DACH1: variants seen among roughly 807,000 people sequenced by gnomAD.
DACH1 encodes dachshund family transcription factor 1.
DACH1 carries 12 observed loss-of-function variants against 54.2 expected under a neutral mutation model. The observed-to-expected ratio is 0.22, with a 90% confidence interval of 0.14 to 0.36. The LOEUF is 0.36. Ranked by LOEUF, DACH1 falls within the 10% of genes least tolerant of loss-of-function variation. DACH1 has a pLI of 1.00. For missense variants in DACH1, 805 were observed against 929.8 expected (o/e 0.87, Z 1.75); for synonymous variants, 386 against 366.2 (o/e 1.05, Z -0.62).
At chr13:71,447,927 G>A (rs1003647532) in intron 10 of DACH1, among the ~76,000 whole-genome samples, 1 of 152,074 alleles carries the variant, frequency 6.6e-6, no homozygotes, top group African/African-American at 2.4e-5. Flanking sequence ...CACTGTGAAA[G>A]TCATGTAAAA....
At chr13:71,585,191 A>G (rs1260873075) in intron 3 of DACH1, among the ~76,000 whole-genome samples, 3 of 150,882 alleles carry the variant, frequency 2.0e-5, no homozygotes, top group Admixed American at 1.3e-4. Flanking sequence ...TATTAAAACT[A>G]CAGGGAGGTT....
At chr13:71,567,412 A>G (rs1417968284) in intron 4 of DACH1, among the ~76,000 whole-genome samples, 1 of 152,024 alleles carries the variant, frequency 6.6e-6, no homozygotes, top group Non-Finnish European at 1.5e-5. Context: ...AGCTGCGTAT[A>G]AAATTTTTAT....
At chr13:71,807,839 T>C (rs1887571227) in intron 1 of DACH1, among the ~76,000 whole-genome samples, 1 of 152,160 alleles carries the variant, frequency 6.6e-6, no homozygotes, top group Non-Finnish European at 1.5e-5. Flanking sequence ...ATTTACCAAA[T>C]TTTCTATGTC....
intron 2 of DACH1, among the ~76,000 whole-genome samples, chr13:71,654,283 G>A (rs1208029397): frequency 4.6e-5 from 7 of 151,458 alleles, no homozygotes; most frequent in Admixed American, 1.3e-4. Context: ...CCAGCAACTC[G>A]GGAGGCTGAG....
At chr13:71,612,234 C>T (rs777763828) in intron 3 of DACH1, among the ~76,000 whole-genome samples, 2 of 152,006 alleles carry the variant, frequency 1.3e-5, no homozygotes, top group Non-Finnish European at 2.9e-5. Context: ...AATCCTTTCT[C>T]CTCACTCCAT....
intron 10 of DACH1, among the ~76,000 whole-genome samples, chr13:71,473,597 A>G (rs904040644): frequency 1.3e-5 from 2 of 152,182 alleles, no homozygotes; most frequent in Non-Finnish European, 2.9e-5. Context: ...GGTGGCATAC[A>G]TATTATATCA....
At chr13:71,730,322 T>G (rs894986493) in intron 1 of DACH1, among the ~76,000 whole-genome samples, 26 of 152,170 alleles carry the variant, frequency 1.7e-4, no homozygotes, top group Non-Finnish European at 7.4e-5. Context: ...ACCAACTTAT[T>G]CTCCAAGAGG....
intron 1 of DACH1, among the ~76,000 whole-genome samples, chr13:71,711,292 T>A (rs965701807): frequency 2.6e-5 from 4 of 152,152 alleles, no homozygotes; most frequent in African/African-American, 9.7e-5. Flanking sequence ...AAATAGTTCT[T>A]CCTCTCATTA....
At chr13:71,796,387 C>T (rs1287777880) in intron 1 of DACH1, among the ~76,000 whole-genome samples, 1 of 151,984 alleles carries the variant, frequency 6.6e-6, no homozygotes, top group African/African-American at 2.4e-5. Context: ...TCTTACTTTT[C>T]TTCTTTTCAA....
At chr13:71,751,720 A>G (rs551635599) in intron 1 of DACH1, among the ~76,000 whole-genome samples, 2 of 152,156 alleles carry the variant, frequency 1.3e-5, no homozygotes, top group South Asian at 2.1e-4. Context: ...TAATAGAAAA[A>G]TATGTCAACA....
At chr13:71,500,242 GTC>G (rs1448304970) in intron 6 of DACH1, among the ~76,000 whole-genome samples, 1 of 152,084 alleles carries the variant, frequency 6.6e-6, no homozygotes, top group Non-Finnish European at 1.5e-5. Flanking sequence ...AGGAAGAGTT[GTC>G]TCATAAATCC....
At chr13:71,781,394 T>TTTA (rs1886370434) in intron 1 of DACH1, among the ~76,000 whole-genome samples, 5 of 116,992 alleles carry the variant, frequency 4.3e-5, no homozygotes, top group Non-Finnish European at 7.3e-5. Context: ...TTATTTATTT[T>TTTA]TTGAGACGGA....
At position 71,866,335 on chromosome 13, in the gene DACH1, A is replaced by ACTGCTGCTG. The variant is rs752226499; in HGVS notation, c.426_434dup (p.Ser161_Ser163dup). On this transcript the variant is annotated inframe_insertion, in exon 1 of 11. Transcript: ENST00000613252. The stretch of plus-strand genomic sequence containing the variant: ...TACTGCTGCTGCTGCTGCTGCTGCT[A>ACTGCTGCTG]CTGCTGCTGCTGCTGCTGCCGGTGC... 6 of 1,510,066 alleles carry ACTGCTGCTG rather than the reference A, an allele frequency of 4.0e-6. No individual in the cohort carries two copies. Among genetic ancestry groups the ACTGCTGCTG allele is most frequent in the East Asian group, 5.0e-5 (2 of 39,760 alleles). The allele number at this position is 1,510,066 out of a possible 1,614,324, so 93.5% of individuals were successfully genotyped here.
intron 1 of DACH1, among the ~76,000 whole-genome samples, chr13:71,728,919 GTTTT>G (rs544952049): frequency 6.6e-6 from 1 of 151,838 alleles, no homozygotes; most frequent in African/African-American, 2.4e-5. Flanking sequence ...GGTTTTTGAG[GTTTT>G]TTTAACTATG....
Position 71,816,085 on chromosome 13 carries a change from C to CA in DACH1, c.848+49836dup, listed in dbSNP as rs1371160536. 3.3e-3 allele frequency among the ~76,000 whole-genome samples: 485 copies of CA among 145,456 alleles called. 1 individual carries two copies. Among genetic ancestry groups the CA allele is most frequent in the African/African-American group, 0.011 (418 of 39,608 alleles). ...GGGCGACAGAGCGAGACTCCGTCTC[C>CA]AAAAAAAAATAAAATAAAATAAAAT... On this transcript the variant is annotated intron_variant, in intron 1 of 10. Transcript: ENST00000613252.
At chr13:71,790,299 GCTTAATGCATGATAGTTTTTAA>G (rs1886781676) in intron 1 of DACH1, among the ~76,000 whole-genome samples, 1 of 152,038 alleles carries the variant, frequency 6.6e-6, no homozygotes, top group Non-Finnish European at 1.5e-5. Flanking sequence ...GCATGGATTT[GCTTAATGCATGATAGTTTTTAA>G]CTGAAGCATC....
intron 2 of DACH1, among the ~76,000 whole-genome samples, chr13:71,677,311 C>T (rs1675935408): frequency 1.3e-5 from 2 of 152,152 alleles, no homozygotes; most frequent in Non-Finnish European, 2.9e-5. Flanking sequence ...GAGGTATTGC[C>T]TTGTGTGACT....
At position 71,630,615 on chromosome 13, in the gene DACH1, T is replaced by C. The variant is rs763258777; in HGVS notation, c.1067A>G (p.His356Arg). Reference sequence around the variant, plus strand: ...TGCTCCATGTTGGTTATTACTGGCATGATAGTTGCTCATGGCTTCTAATTT... The same window carrying C: ...TGCTCCATGTTGGTTATTACTGGCACGATAGTTGCTCATGGCTTCTAATTT... ...KIKLEAMSNY[H>R]ASNNQHGADS... Residue 356 changes from histidine to arginine, a missense_variant, in exon 3 of 11, where the codon CAT becomes CGT. By Grantham distance (29) the His-to-Arg change is conservative. Transcript: ENST00000613252. 4.3e-6 allele frequency: 7 copies of C among 1,611,718 alleles called. No individual in the cohort carries two copies. The highest frequency in any genetic ancestry group is 2.2e-5 in the East Asian group (1 of 44,764).
intron 2 of DACH1, among the ~76,000 whole-genome samples, chr13:71,647,547 G>A (rs996803387): frequency 4.6e-5 from 7 of 152,112 alleles, no homozygotes; most frequent in Non-Finnish European, 8.8e-5. Context: ...TCGTTCCCAC[G>A]GGACATCTAA....
Sources: gnomAD v4.1 joint callset for allele counts (sites outside exome capture counted in the v4.1 genomes callset) on GRCh38, gnomAD v4.1.1 for gene constraint, MANE v1.5 for transcripts, NCBI Gene and HGNC (gene_info 2026-07-23, HGNC 2026-07-21) for gene names.